The following NPAS1 variants were observed in gnomAD, a reference collection of about 807,000 sequenced individuals.
NPAS1 encodes the protein neuronal PAS domain-containing protein 1.
In NPAS1, 29 loss-of-function variants were observed where a neutral mutation model predicts 49.2. That is an observed-to-expected ratio of 0.59 (90% CI 0.44 to 0.80). NPAS1 has a LOEUF of 0.80. NPAS1 is among the 30% of genes least tolerant of loss of function. The probability of loss-of-function intolerance (pLI) is 0.00; values close to 1 mark genes in which losing one functional copy is unlikely to be tolerated. For synonymous variants in NPAS1, 408 were observed against 380.4 expected, an observed-to-expected ratio of 1.07 and a Z score of -0.84; for missense variants, 825 against 835.5, an observed-to-expected ratio of 0.99 and a Z score of 0.15.
intron 3 of NPAS1, among the ~76,000 whole-genome samples, chr19:47,032,065 T>A (rs976422509): frequency 1.3e-5 from 2 of 152,050 alleles, no homozygotes; most frequent in Non-Finnish European, 2.9e-5. Flanking sequence ...ATGCACCCCC[T>A]GGCCCGTCTG....
intron 10 of NPAS1, among the ~76,000 whole-genome samples, chr19:47,042,227 T>C (rs575798158): frequency 6.6e-6 from 1 of 151,938 alleles, no homozygotes; most frequent in South Asian, 2.1e-4. Flanking sequence ...GAGAATTACT[T>C]GAACCCGGGA....
chr19:47,044,694 C>T (rs1430537891), intron 11 of NPAS1, among the ~76,000 whole-genome samples: 1 of 152,234 alleles, frequency 6.6e-6, no homozygotes, highest in Non-Finnish European at 1.5e-5. Flanking sequence ...AGGGCTGTGA[C>T]ACCCCAAAAT....
chr19:47,044,746 C>G (rs1191216350), intron 11 of NPAS1, among the ~76,000 whole-genome samples: 1 of 152,186 alleles, frequency 6.6e-6, no homozygotes, highest in Non-Finnish European at 1.5e-5. Context: ...ACAGAACCAG[C>G]TGGCCGGGCA....
chr19:47,043,413 C>T (rs926738481), intron 11 of NPAS1, among the ~76,000 whole-genome samples: 2 of 151,388 alleles, frequency 1.3e-5, no homozygotes, highest in Non-Finnish European at 2.9e-5. Flanking sequence ...TAAGGTGAAA[C>T]CCCATCTCTA....
chr19:47,040,270 G>A (rs1371246514), intron 8 of NPAS1, among the ~76,000 whole-genome samples, 174 bp from the exon 9 acceptor site: 4 of 152,024 alleles, frequency 2.6e-5, no homozygotes, highest in Admixed American at 6.6e-5. Flanking sequence ...TGATCCACAC[G>A]CCTCAGCCTC....
chr19:47,038,536 C>T (rs931760123), intron 6 of NPAS1, among the ~76,000 whole-genome samples: 2 of 139,516 alleles, frequency 1.4e-5, no homozygotes, highest in Non-Finnish European at 3.2e-5. Flanking sequence ...AAAAAAAAGA[C>T]ATGGATGGGA....
chr19:47,023,880 G>A (rs1422534301), intron 3 of NPAS1, among the ~76,000 whole-genome samples: 1 of 152,170 alleles, frequency 6.6e-6, no homozygotes, highest in African/African-American at 2.4e-5. Flanking sequence ...GCCAAGGCGG[G>A]CAGATCACGA....
In NPAS1 at chr19:47,039,768, T is replaced by C. The variant is rs1243808615; in HGVS notation, c.962+204T>C. On this transcript the variant is annotated intron_variant, in intron 8 of 11. Transcript: ENST00000602212. ...GCGGAGGCCTAGCCCAGGGGTGCCT[T>C]CGGGGATGGAAGAGGGGCTGTGTCT... is the stretch of plus-strand genomic sequence containing the variant. Among the ~76,000 whole-genome samples, 5 of 152,008 alleles carry C rather than the reference T, an allele frequency of 3.3e-5. No homozygotes were observed. The East Asian group carries it at 9.6e-4, about 29-fold the overall frequency.
chr19:47,021,167 G>C lies in NPAS1; in HGVS notation c.120G>C (p.Pro40=). The C allele has an allele frequency of 2.5e-6, 4 of 1,575,908 alleles. No individual in the cohort carries two copies. The highest frequency in any genetic ancestry group is 4.8e-5 in the East Asian group (2 of 41,840). The change falls in exon 2 of 12, where the codon CCG becomes CCC. Residue 40 remains proline, a splice_region_variant and synonymous_variant. Transcript: ENST00000602212. The surrounding 1 kb of genome is among the most constrained non-coding windows in gnomAD (Gnocchi z 5.7). The part of the protein sequence containing the change: ...PGLMVKAPSG[P]CLQAQRKEKS... Reference sequence around the variant, plus strand: ...TGATGGTCAAGGCGCCGTCCGGACCGTGGTGAGCAAAGCCCCGCCCCCCTG... The same window carrying C: ...TGATGGTCAAGGCGCCGTCCGGACCCTGGTGAGCAAAGCCCCGCCCCCCTG...
At chr19:47,040,211 C>T (rs902986115) in intron 8 of NPAS1, among the ~76,000 whole-genome samples, 1 of 152,062 alleles carries the variant, frequency 6.6e-6, no homozygotes, top group Non-Finnish European at 1.5e-5. Context: ...TTAGTAGAGA[C>T]GGGGTTTCAC....
At chr19:47,036,661 C>G (rs1455392085) in intron 6 of NPAS1, among the ~76,000 whole-genome samples, 1 of 148,830 alleles carries the variant, frequency 6.7e-6, no homozygotes, top group East Asian at 2.0e-4. Flanking sequence ...CACCTAAAGT[C>G]AGGAGTTTGA....
chr19:47,038,284 C>T (rs939573700), intron 6 of NPAS1, among the ~76,000 whole-genome samples: 3 of 152,146 alleles, frequency 2.0e-5, no homozygotes, highest in Non-Finnish European at 4.4e-5. Flanking sequence ...TTTGGGAGGC[C>T]GAGGCGGCCA....
intron 3 of NPAS1, among the ~76,000 whole-genome samples, chr19:47,026,513 C>T (rs1299208450): frequency 1.3e-5 from 2 of 152,236 alleles, no homozygotes; most frequent in Non-Finnish European, 2.9e-5. Context: ...TGGGCTGGGG[C>T]CATGGGTGGT....
chr19:47,040,745 G>A (rs1182194287), intron 9 of NPAS1, 195 bp downstream of exon 9: 3 of 598,406 alleles, frequency 5.0e-6, no homozygotes, highest in Non-Finnish European at 8.8e-6. Flanking sequence ...GTGTGGGGGG[G>A]GGGTCTGGGG....
Position 47,039,171 on chromosome 19 carries a change from C to A in NPAS1, c.804+20C>A. 1 of 1,575,624 alleles carries A rather than the reference C, an allele frequency of 6.3e-7. No homozygotes were observed. The highest frequency in any genetic ancestry group is 8.6e-7 in the Non-Finnish European group (1 of 1,158,826). On this transcript the variant is annotated intron_variant, in intron 7 of 11. Transcript: ENST00000602212. ...TACAAGGTGGGTGTGAGCAGTCAGG[C>A]TCCTGTATTCCAGGCAGCCATGTCC...
chr19:47,037,338 CAAAAAAAAAAAAAAAAA>C (rs869125845), intron 6 of NPAS1, among the ~76,000 whole-genome samples: 10 of 51,812 alleles, frequency 1.9e-4, no homozygotes, highest in African/African-American at 5.8e-4. Flanking sequence ...ACTCCGTCTC[CAAAAAAAAAAAAAAAAA>C]AAAAAAAAAA....
At chr19:47,033,090 CCA>C (rs1180169233) in intron 5 of NPAS1, among the ~76,000 whole-genome samples, 1 of 151,956 alleles carries the variant, frequency 6.6e-6, no homozygotes, top group African/African-American at 2.4e-5. Flanking sequence ...CAGGCGCCCA[CCA>C]CACCCGGCTA....
intron 3 of NPAS1, among the ~76,000 whole-genome samples, chr19:47,026,683 G>A (rs765154948): frequency 9.2e-5 from 14 of 152,042 alleles, no homozygotes; most frequent in African/African-American, 2.2e-4. Context: ...CGGCCGGGGC[G>A]GTGGCTCACA....
intron 9 of NPAS1, 102 bp downstream of exon 9, chr19:47,040,652 C>A: frequency 1.3e-6 from 1 of 752,244 alleles, no homozygotes; most frequent in Non-Finnish European, 2.3e-6. Flanking sequence ...GCCCACAGTC[C>A]CTCCTGCTGC....
Sources: gnomAD v4.1 joint callset for allele counts (sites outside exome capture counted in the v4.1 genomes callset) on GRCh38, gnomAD v4.1.1 for gene constraint, Gnocchi (gnomAD v3.1) non-coding constraint, MANE v1.5 for transcripts, NCBI Gene and HGNC (gene_info 2026-07-23, HGNC 2026-07-21) for gene names.